TSPYL2: variants seen among roughly 807,000 people sequenced by gnomAD.
TSPYL2 encodes the protein TSPY like 2, also known as testis-specific Y-encoded-like protein 2.
In TSPYL2, 9 loss-of-function variants were observed where a neutral mutation model predicts 33.0. The ratio of observed to expected loss-of-function variants is 0.27; its 90% CI spans 0.16 to 0.48. The LOEUF (loss-of-function observed/expected upper bound fraction) is 0.48. TSPYL2 is among the 20% of genes least tolerant of loss of function. The probability of loss-of-function intolerance (pLI) is 0.99; values close to 1 mark genes in which losing one functional copy is unlikely to be tolerated. For synonymous variants in TSPYL2, 330 were observed against 233.6 expected, an observed-to-expected ratio of 1.41 and a Z score of -3.77; for missense variants, 636 against 586.2, an observed-to-expected ratio of 1.08 and a Z score of -0.88.
intron 6 of TSPYL2, chrX:53,086,768 TG>T (rs782006780): frequency 7.5e-4 from 33 of 43,978 alleles, no homozygotes; most frequent in East Asian, 2.2e-3. Context: ...AGAATCGGGG[TG>T]GGGGGGGTGG....
At position 53,086,808 on chromosome X, in the gene TSPYL2, CA is replaced by C. The variant is rs782599296; in HGVS notation, c.1918+499del. On this transcript the variant is annotated intron_variant, in intron 6 of 6. Transcript: ENST00000375442. ...GGGAAGAGCTAGAGGAAAAAGGTGACATTTGAACTGGAGGATGCATTCACAC... is the reference window on the plus strand; with the variant it reads ...GGGAAGAGCTAGAGGAAAAAGGTGACTTTGAACTGGAGGATGCATTCACAC... The C allele has an allele frequency of 2.1e-4, 30 of 142,062 alleles. No homozygotes were observed. In the South Asian group the frequency reaches 5.1e-3, roughly 24 times the overall value. The allele number at this position is 142,062 out of a possible 1,213,427, so 11.7% of individuals were successfully genotyped here. A position where few individuals can be genotyped will look rare whatever the true frequency, so the allele number is the denominator to read the frequency against.
chrX:53,085,585 C>T (rs370222938), intron 5 of TSPYL2, 46 bp from the exon 6 acceptor site: 19 of 1,156,911 alleles, frequency 1.6e-5, no homozygotes, highest in African/African-American at 1.4e-4. Context: ...GCTATGAGTA[C>T]ACCACCTCCC....
In TSPYL2 at chrX:53,088,357, T is replaced by G; in HGVS notation, c.*418T>G. ...TGCCCATGGAGGCGCTGCTGCCACC[T>G]TCCTCTCCCAAGTTCTTTCTCCATC... is the stretch of plus-strand genomic sequence containing the variant. On this transcript the variant is annotated 3_prime_UTR_variant, in exon 7 of 7. Transcript: ENST00000375442. 1 of 130,834 alleles carries G rather than the reference T, an allele frequency of 7.6e-6. No homozygotes were observed. Among genetic ancestry groups the G allele is most frequent in the Non-Finnish European group, 1.6e-5 (1 of 63,871 alleles). 10.8% of individuals were successfully genotyped at this position (130,834 alleles called of 1,213,427 possible). A position where few individuals can be genotyped will look rare whatever the true frequency, so the allele number is the denominator to read the frequency against.
Position 53,084,823 on chromosome X carries a change from C to G in TSPYL2, c.954C>G (p.Phe318Leu). ...MKLYFQTNPY[F>L]TNMVIVKEFQ... ...TGTACTTCCAGACTAACCCCTACTTCACAAACATGGTGATTGTCAAGGAGT... is the reference window on the plus strand; with the variant it reads ...TGTACTTCCAGACTAACCCCTACTTGACAAACATGGTGATTGTCAAGGAGT... Residue 318 changes from phenylalanine (F) to leucine (L), a missense_variant, in exon 3 of 7, where the codon TTC (phenylalanine) becomes TTG (leucine). Physicochemically the swap from Phe to Leu is conservative, Grantham distance 22. Around this residue, in one of 3 missense-constraint regions of TSPYL2, gnomAD observed 401 missense variants for 363.0 expected, o/e 1.10. Transcript: ENST00000375442. The G allele has an allele frequency of 8.3e-7, 1 of 1,211,579 alleles. No homozygotes were observed. Among genetic ancestry groups the G allele is most frequent in the Non-Finnish European group, 1.1e-6 (1 of 895,341 alleles).
rs782747918 is a variant in TSPYL2, at chrX:53,085,942, A to G, written c.1550A>G (p.Asn517Ser). 7.4e-6 allele frequency: 9 copies of G among 1,208,532 alleles called. No homozygotes were observed. In the Admixed American group the frequency reaches 2.0e-4, roughly 27 times the overall value. Reference protein sequence around the residue: ...NNESADDNNENPEDNNKNTDD... With the variant: ...NNESADDNNESPEDNNKNTDD... ...GAGAGTGCAGATGACAACAACGAGAATCCTGAAGACAATAACAAGAACACT... is the reference window on the plus strand; with the variant it reads ...GAGAGTGCAGATGACAACAACGAGAGTCCTGAAGACAATAACAAGAACACT... The change falls in exon 6 of 7, where the codon AAT (asparagine) becomes AGT (serine). Residue 517 changes from asparagine to serine, a missense_variant. Transcript: ENST00000375442.
chrX:53,083,851 G>A (rs1932688605), intron 1 of TSPYL2, among the ~76,000 whole-genome samples: 1 of 111,629 alleles, frequency 9.0e-6, no homozygotes, highest in Non-Finnish European at 1.9e-5. Context: ...AGGGAGGGGG[G>A]CTGGAGCCCC....
chrX:53,087,520 A>G (rs1476281538), intron 6 of TSPYL2: 2 of 383,756 alleles, frequency 5.2e-6, no homozygotes, highest in African/African-American at 5.1e-5. Context: ...AGCTACTATC[A>G]GAGATGTATC....
In TSPYL2 at chrX:53,086,214, A is replaced by C; in HGVS notation, c.1822A>C (p.Lys608Gln). The C allele has an allele frequency of 8.3e-7, 1 of 1,211,379 alleles. No homozygotes were observed. The highest frequency in any genetic ancestry group is 1.8e-5 in the South Asian group (1 of 56,908). ...DDDRDIEYYE[K>Q]VIEDFDKDQA... ...CGACAGAGACATTGAGTACTATGAG[A>C]AAGTTATTGAAGACTTTGACAAGGA... Residue 608 changes from lysine to glutamine, a missense_variant, in exon 6 of 7, where the codon AAA becomes CAA. Around this residue, in one of 3 missense-constraint regions of TSPYL2, gnomAD observed 401 missense variants for 363.0 expected, o/e 1.10. Transcript: ENST00000375442.
rs147403684 is a variant in TSPYL2, at chrX:53,083,756, C to T, written c.807+451C>T. Among the ~76,000 whole-genome samples, 215 of 110,853 alleles carry T rather than the reference C, an allele frequency of 1.9e-3. 2 individuals carry two copies. The East Asian group carries it at 0.026, about 13-fold the overall frequency. Reference sequence around the variant, plus strand: ...GCAGAGAAACTGCCCAGAAAGGGTGCTTGAGCCATACAAGGCTCTGTAAAC... The same window carrying T: ...GCAGAGAAACTGCCCAGAAAGGGTGTTTGAGCCATACAAGGCTCTGTAAAC... On this transcript the variant is annotated intron_variant, in intron 1 of 6. Transcript: ENST00000375442.
rs781960459 is a variant in TSPYL2 at position 53,086,258 on chromosome X, C to T, written c.1866C>T (p.Asp622=). 3.2e-5 allele frequency: 39 copies of T among 1,209,240 alleles called. No homozygotes were observed. The highest frequency in any genetic ancestry group is 1.4e-4 in the African/African-American group (8 of 56,818). The change falls in exon 6 of 7, where the codon GAC becomes GAT. Residue 622 remains aspartate (D), a synonymous_variant. Coordinates refer to ENST00000375442, the MANE Select transcript of TSPYL2 (RefSeq NM_022117.4). ...ACAAGGATCAGGCTGACTACGAGGA[C>T]GTGATAGAGATCATCTCAGACGAAT... ...DFDKDQADYE[D]VIEIISDESV...
chrX:53,087,998 C>G lies in TSPYL2; in HGVS notation c.*59C>G. 8.8e-7 allele frequency: 1 copy of G among 1,142,781 alleles called. No individual in the cohort carries two copies. The highest frequency in any genetic ancestry group is 2.3e-5 in the Admixed American group (1 of 43,388). The allele number at this position is 1,142,781 out of a possible 1,213,427, so 94.2% of individuals were successfully genotyped here. A position where few individuals can be genotyped will look rare whatever the true frequency, so the allele number is the denominator to read the frequency against. On this transcript the variant is annotated 3_prime_UTR_variant, in exon 7 of 7. Coordinates refer to ENST00000375442, the MANE Select transcript of TSPYL2 (RefSeq NM_022117.4). ...TCCCCCACCCACTATCCCATTTGCC[C>G]TCCTCCTCAGCTAGGGCCACGCGGC...
At chrX:53,087,088 T>G (rs1932778751) in intron 6 of TSPYL2, 2 of 112,937 alleles carry the variant, frequency 1.8e-5, no homozygotes, top group Non-Finnish European at 3.7e-5. Context: ...ATTATAAAGG[T>G]GCTGAGAAGT....
Position 53,088,220 on chromosome X carries a change from C to T in TSPYL2, c.*281C>T, listed in dbSNP as rs1278183453. Reference sequence around the variant, plus strand: ...GATGCCTTGGTCAGGGCCCCTCTACCCACTTCTCCCAGTCAGTTGTGGCCC... The same window carrying T: ...GATGCCTTGGTCAGGGCCCCTCTACTCACTTCTCCCAGTCAGTTGTGGCCC... On this transcript the variant is annotated 3_prime_UTR_variant, in exon 7 of 7. Transcript: ENST00000375442. The T allele has an allele frequency of 8.1e-5, 25 of 310,090 alleles. No homozygotes were observed. Among genetic ancestry groups the T allele is most frequent in the Non-Finnish European group, 3.4e-5 (6 of 175,306 alleles). 25.6% of individuals were successfully genotyped at this position (310,090 alleles called of 1,213,427 possible).
intron 5 of TSPYL2, 130 bp from the exon 6 acceptor site, chrX:53,085,501 C>G (rs1382567352): frequency 1.3e-6 from 1 of 792,729 alleles, no homozygotes; most frequent in Non-Finnish European, 1.8e-6. Context: ...AGAAGTGGGA[C>G]TTTACCCACC....
chrX:53,084,844 G>A lies in TSPYL2; in HGVS notation c.975G>A (p.Lys325=). 4 of 1,211,470 alleles carry A rather than the reference G, an allele frequency of 3.3e-6. No individual in the cohort carries two copies. The highest frequency in any genetic ancestry group is 4.5e-6 in the Non-Finnish European group (4 of 895,227). The change falls in exon 3 of 7, where the codon AAG becomes AAA. Residue 325 remains lysine (K), a synonymous_variant. Transcript: ENST00000375442. ...ACTTCACAAACATGGTGATTGTCAA[G>A]GAGTTCCAGCGCAACCGCTCAGGTA... ...NPYFTNMVIV[K]EFQRNRSGRL...
chrX:53,086,630 G>T, intron 6 of TSPYL2: 1 of 328,546 alleles, frequency 3.0e-6, no homozygotes, highest in Non-Finnish European at 5.4e-6. Context: ...GCAAAACACA[G>T]TGCATTTCAG....
chrX:53,082,930 G>A lies in TSPYL2; in HGVS notation c.432G>A (p.Gly144=), dbSNP rs376774006. 37 of 1,211,181 alleles carry A rather than the reference G, an allele frequency of 3.1e-5. No homozygotes were observed. The South Asian group carries it at 4.9e-4, about 16-fold the overall frequency. Residue 144 remains glycine (G), a synonymous_variant, in exon 1 of 7, where the codon GGG becomes GGA. Coordinates refer to ENST00000375442, the MANE Select transcript of TSPYL2 (RefSeq NM_022117.4). ...AGTCGAGCAGTTTTGGTGGAGAGGG[G>A]GCCCTAGAAACCTGTAGCGCAGTGG... The part of the protein sequence containing the change: ...VVQSSSFGGE[G]ALETCSAVGW...
At chrX:53,084,704 G>A (rs782194564) in intron 2 of TSPYL2, 51 bp from the exon 3 acceptor site, 33 of 1,179,377 alleles carry the variant, frequency 2.8e-5, no homozygotes, top group Non-Finnish European at 3.7e-5. Context: ...GGGAAGGGCC[G>A]TGGTGTGTTG....
At position 53,082,743 on chromosome X, in the gene TSPYL2, G is replaced by C. The variant is rs782716321; in HGVS notation, c.245G>C (p.Gly82Ala). 18 of 1,176,644 alleles carry C rather than the reference G, an allele frequency of 1.5e-5. No individual in the cohort carries two copies. Among genetic ancestry groups the C allele is most frequent in the Non-Finnish European group, 1.8e-5 (16 of 880,223 alleles). Reference protein sequence around the residue: ...PPPPYVILEEGGIRAYFTLGA... With the variant: ...PPPPYVILEEAGIRAYFTLGA... Reference sequence around the variant, plus strand: ...CCTCCCTATGTCATTCTCGAGGAGGGGGGGATCCGCGCATACTTCACGCTC... The same window carrying C: ...CCTCCCTATGTCATTCTCGAGGAGGCGGGGATCCGCGCATACTTCACGCTC... The change falls in exon 1 of 7, where the codon GGG becomes GCG. Residue 82 changes from glycine (G) to alanine (A), a missense_variant. Physicochemically the swap from Gly to Ala is moderately conservative, Grantham distance 60 (BLOSUM62 0). Around this residue, in one of 3 missense-constraint regions of TSPYL2, gnomAD observed 231 missense variants for 201.6 expected, o/e 1.15. Coordinates refer to ENST00000375442, the MANE Select transcript of TSPYL2 (RefSeq NM_022117.4).
Sources: gnomAD v4.1 joint callset for allele counts (sites outside exome capture counted in the v4.1 genomes callset) on GRCh38, gnomAD v4.1.1 for gene constraint, gnomAD v4.1.1 regional missense constraint, MANE v1.5 for transcripts, NCBI Gene and HGNC (gene_info 2026-07-23, HGNC 2026-07-21) for gene names.